The following PDE1C variants were observed in gnomAD, a reference collection of about 807,000 sequenced individuals.
The protein encoded by PDE1C is dual specificity calcium/calmodulin-dependent 3',5'-cyclic nucleotide phosphodiesterase 1C.
Under a neutral mutation model 93.1 loss-of-function variants are expected in PDE1C, and 62 were observed. The observed-to-expected ratio is 0.67, with a 90% CI of 0.54 to 0.82. The LOEUF (loss-of-function observed/expected upper bound fraction) is 0.82. Ranked by LOEUF, PDE1C falls within the 40% of genes least tolerant of loss-of-function variation. PDE1C has a pLI of 0.00. For missense variants in PDE1C, 742 were observed against 884.6 expected (o/e 0.84, Z 2.04); for synonymous variants, 325 against 310.1 (o/e 1.05, Z -0.50).
intron 2 of PDE1C, among the ~76,000 whole-genome samples, chr7:31,923,090 C>T (rs1802838178): frequency 6.6e-6 from 1 of 152,134 alleles, no homozygotes; most frequent in Non-Finnish European, 1.5e-5. Context: ...GCTGGGGGGA[C>T]TCCGAGTGGC....
At chr7:32,189,664 C>T (rs1804102107) in intron 2 of PDE1C, among the ~76,000 whole-genome samples, 1 of 152,050 alleles carries the variant, frequency 6.6e-6, no homozygotes, top group Non-Finnish European at 1.5e-5. Flanking sequence ...CCACATTAAT[C>T]TGAGTCATGT....
chr7:31,731,476 C>T, the PDE1C span, among the ~76,000 whole-genome samples: 12 of 152,174 alleles, frequency 7.9e-5, no homozygotes, highest in Admixed American at 5.2e-4. Context: ...CTGCAACCTC[C>T]GCCTCCCCGG....
chr7:31,650,415 C>A, the PDE1C span, among the ~76,000 whole-genome samples: 4,993 of 152,042 alleles, frequency 0.033, 296 homozygotes, highest in African/African-American at 0.11. Flanking sequence ...TCAGGAGCTG[C>A]AGGAATATAT....
chr7:31,903,911 CTCTATT>C, intron 2 of PDE1C, among the ~76,000 whole-genome samples: 1 of 152,226 alleles, frequency 6.6e-6, no homozygotes, highest in Non-Finnish European at 1.5e-5. Flanking sequence ...CTTTGGGTAT[CTCTATT>C]ATTGAGATAA....
intron 2 of PDE1C, among the ~76,000 whole-genome samples, chr7:32,029,258 GTA>G (rs1789937454): frequency 2.6e-5 from 4 of 151,940 alleles, no homozygotes; most frequent in Admixed American, 2.0e-4. Context: ...AATTAGTACA[GTA>G]CAGCCATTAT....
At chr7:32,254,101 G>T (rs1213118735) in intron 1 of PDE1C, among the ~76,000 whole-genome samples, 2 of 152,140 alleles carry the variant, frequency 1.3e-5, no homozygotes, top group Admixed American at 1.3e-4. Flanking sequence ...GGCGATACGG[G>T]GCGTATCAGA....
intron 2 of PDE1C, among the ~76,000 whole-genome samples, chr7:32,187,710 C>A (rs1803974849): frequency 6.8e-6 from 1 of 147,596 alleles, no homozygotes; most frequent in Non-Finnish European, 1.5e-5. Flanking sequence ...CTAGCAGCTA[C>A]ATTCATTGAA....
At chr7:32,114,644 T>G (rs1466587857) in intron 3 of PDE1C, among the ~76,000 whole-genome samples, 1 of 152,192 alleles carries the variant, frequency 6.6e-6, no homozygotes, top group South Asian at 2.1e-4. Context: ...AAAGAGCTCC[T>G]GCACAGCAAA....
the PDE1C span, among the ~76,000 whole-genome samples, chr7:31,734,058 G>A: frequency 4.6e-5 from 7 of 152,102 alleles, no homozygotes; most frequent in East Asian, 1.9e-4. Flanking sequence ...TCTTAAAGAA[G>A]TAATAAAACT....
At chr7:32,221,743 T>C (rs1171126461) in intron 1 of PDE1C, among the ~76,000 whole-genome samples, 2 of 152,038 alleles carry the variant, frequency 1.3e-5, no homozygotes, top group Non-Finnish European at 2.9e-5. Flanking sequence ...AGCAATGTTT[T>C]TTTGAGAAAA....
intron 2 of PDE1C, among the ~76,000 whole-genome samples, chr7:31,930,865 A>G (rs1804124531): frequency 1.3e-5 from 2 of 149,140 alleles, no homozygotes. Flanking sequence ...AAAAAAAAAA[A>G]AAAAAAAAAA....
intron 2 of PDE1C, among the ~76,000 whole-genome samples, chr7:31,891,043 A>G (rs1331477983): frequency 6.6e-6 from 1 of 152,200 alleles, no homozygotes; most frequent in African/African-American, 2.4e-5. Flanking sequence ...CCTGTGACTC[A>G]GAACTCTAAA....
intron 2 of PDE1C, among the ~76,000 whole-genome samples, chr7:31,948,005 T>G (rs1011257875): frequency 1.1e-4 from 17 of 152,132 alleles, no homozygotes; most frequent in African/African-American, 3.6e-4. Context: ...TACAACAAAT[T>G]TCGAAAGACT....
intron 1 of PDE1C, among the ~76,000 whole-genome samples, chr7:32,310,619 C>A (rs570948897): frequency 6.6e-6 from 1 of 152,298 alleles, no homozygotes; most frequent in East Asian, 1.9e-4. Context: ...TGCTCAACTA[C>A]ATGGAAACTG....
chr7:31,926,603 G>A (rs1464924850), intron 2 of PDE1C, among the ~76,000 whole-genome samples: 6 of 152,136 alleles, frequency 3.9e-5, no homozygotes, highest in Admixed American at 3.9e-4. Context: ...TTATCTCACC[G>A]GGACTGGTTA....
intron 2 of PDE1C, among the ~76,000 whole-genome samples, chr7:32,197,918 T>C (rs1449622040): frequency 6.6e-6 from 1 of 152,220 alleles, no homozygotes; most frequent in African/African-American, 2.4e-5. Context: ...TGAAAAATCA[T>C]TGAATTATGC....
intron 1 of PDE1C, among the ~76,000 whole-genome samples, chr7:32,371,888 T>G (rs1433803346): frequency 6.6e-6 from 1 of 152,088 alleles, no homozygotes; most frequent in Non-Finnish European, 1.5e-5. Context: ...CAAAACAATC[T>G]TGAAAAAGGC....
intron 1 of PDE1C, among the ~76,000 whole-genome samples, chr7:32,211,072 G>C (rs1196284383): frequency 6.6e-6 from 1 of 152,120 alleles, no homozygotes; most frequent in Admixed American, 6.5e-5. Flanking sequence ...AGCCGGGCGT[G>C]GTGGTGGGCG....
chr7:31,785,064 G>A (rs1783783094), intron 16 of PDE1C: 1 of 152,172 alleles, frequency 6.6e-6, no homozygotes, highest in Non-Finnish European at 1.5e-5. Flanking sequence ...CTATAGCCAT[G>A]GGGTTTTAAT....
Sources: allele counts gnomAD v4.1 joint callset (sites outside exome capture counted in the v4.1 genomes callset), GRCh38; gene constraint gnomAD v4.1.1; transcripts MANE v1.5; gene names NCBI Gene and HGNC (gene_info 2026-07-23, HGNC 2026-07-21).